Variants in QKI observed in about 807,000 individuals in gnomAD.
QKI encodes the protein QKI, KH domain containing RNA binding, also known as KH domain-containing RNA-binding protein QKI.
QKI carries 10 observed loss-of-function variants against 39.0 expected under a neutral mutation model. The observed-to-expected ratio is 0.26, with a 90% CI of 0.16 to 0.43. QKI has a LOEUF of 0.43. Among genes scored for constraint, QKI ranks in the 20% least tolerant of loss-of-function variants. QKI has a pLI of 1.00. For missense variants in QKI, 218 were observed against 428.0 expected (o/e 0.51, Z 4.33); for synonymous variants, 204 against 155.4 (o/e 1.31, Z -2.33).
chr6:163,563,358 A>C, intron 5 of QKI, 62 bp from the exon 6 acceptor site: 2 of 1,416,916 alleles, frequency 1.4e-6, no homozygotes, highest in East Asian at 2.3e-5. Flanking sequence ...CTCCCTTCTC[A>C]TTTTTCCGTA....
chr6:163,536,406 A>G (rs1377456625), intron 4 of QKI, among the ~76,000 whole-genome samples: 2 of 152,200 alleles, frequency 1.3e-5, no homozygotes, highest in African/African-American at 4.8e-5. Flanking sequence ...AGAATACGGT[A>G]TATAACATAT....
intron 2 of QKI, among the ~76,000 whole-genome samples, chr6:163,465,626 C>CAAA (rs35130458): frequency 4.2e-5 from 4 of 95,768 alleles, no homozygotes; most frequent in African/African-American, 1.5e-4. Flanking sequence ...AAGACTGTCT[C>CAAA]AAAAAAAAAA....
At chr6:163,452,831 G>C (rs1398384556) in intron 1 of QKI, among the ~76,000 whole-genome samples, 2 of 152,226 alleles carry the variant, frequency 1.3e-5, no homozygotes, top group South Asian at 4.1e-4. Context: ...GAGTACAAGC[G>C]ATTCTCCTGC....
At chr6:163,554,649 T>TCATTA (rs1583213137) in intron 4 of QKI, among the ~76,000 whole-genome samples, 1 of 152,236 alleles carries the variant, frequency 6.6e-6, no homozygotes. Flanking sequence ...AATTTTTATC[T>TCATTA]CATTACATGG....
At chr6:163,500,175 A>G (rs1410822438) in intron 3 of QKI, among the ~76,000 whole-genome samples, 1 of 152,198 alleles carries the variant, frequency 6.6e-6, no homozygotes, top group Non-Finnish European at 1.5e-5. Context: ...GCTTCTCTAT[A>G]GGCTTGGTAA....
chr6:163,423,632 G>A (rs1252364426), intron 1 of QKI: 1 of 152,216 alleles, frequency 6.6e-6, no homozygotes, highest in Non-Finnish European at 1.5e-5. Context: ...CTAATTCTGT[G>A]ATATGCTGGT....
intron 3 of QKI, among the ~76,000 whole-genome samples, chr6:163,483,036 T>G (rs1793198925): frequency 6.6e-6 from 1 of 152,166 alleles, no homozygotes; most frequent in Non-Finnish European, 1.5e-5. Flanking sequence ...CACAAACAGG[T>G]TCCAGACCAC....
At chr6:163,533,031 T>C (rs1400983437) in intron 3 of QKI, among the ~76,000 whole-genome samples, 1 of 151,994 alleles carries the variant, frequency 6.6e-6, no homozygotes. Context: ...TGTTACTATA[T>C]CTTGCCTGGA....
At chr6:163,487,836 C>T (rs1777774977) in intron 3 of QKI, among the ~76,000 whole-genome samples, 1 of 151,824 alleles carries the variant, frequency 6.6e-6, no homozygotes, top group Admixed American at 6.6e-5. Context: ...AGTCTCATTT[C>T]CTCTCTGTGA....
chr6:163,447,249 A>ATTTTTT (rs4038332), intron 1 of QKI, among the ~76,000 whole-genome samples: 2 of 120,188 alleles, frequency 1.7e-5, no homozygotes, highest in African/African-American at 3.1e-5. Context: ...GGTGCACGTG[A>ATTTTTT]TTTTTTTTTT....
At chr6:163,478,503 G>T (rs1403139383) in intron 2 of QKI, among the ~76,000 whole-genome samples, 1 of 152,070 alleles carries the variant, frequency 6.6e-6, no homozygotes. Context: ...TCTGTTTTAG[G>T]TTATTTGTTG....
At chr6:163,492,984 A>G (rs1417626888) in intron 3 of QKI, among the ~76,000 whole-genome samples, 1 of 152,180 alleles carries the variant, frequency 6.6e-6, no homozygotes, top group Non-Finnish European at 1.5e-5. Flanking sequence ...TAGTGTAGAA[A>G]AAATTTAGAT....
intron 2 of QKI, among the ~76,000 whole-genome samples, chr6:163,463,361 C>T (rs1028190312): frequency 1.3e-5 from 2 of 152,090 alleles, no homozygotes; most frequent in East Asian, 1.9e-4. Context: ...AGTGGTGTTT[C>T]GAGGATTAAG....
intron 1 of QKI, among the ~76,000 whole-genome samples, chr6:163,439,514 A>AT (rs899884131): frequency 3.1e-4 from 44 of 143,560 alleles, no homozygotes; most frequent in South Asian, 1.3e-3. Flanking sequence ...CACATGGCTA[A>AT]TTTTTTTTTT....
chr6:163,414,985 T>G lies in QKI; in HGVS notation c.-209T>G. 3.6e-6 allele frequency: 1 copy of G among 275,302 alleles called. No homozygotes were observed. The highest frequency in any genetic ancestry group is 5.4e-6 in the Non-Finnish European group (1 of 185,832). The allele number at this position is 275,302 out of a possible 1,614,324, so 17.1% of individuals were successfully genotyped here. ...GAGAGCGGCGGCGGCTGGGAGCGCG[T>G]CGGGCCCGGGCGGAAAGTGCCTGCG... On this transcript the variant is annotated 5_prime_UTR_variant, in exon 1 of 8. Coordinates refer to ENST00000361752, the MANE Select transcript of QKI (RefSeq NM_006775.3).
chr6:163,497,584 G>A (rs369241175), intron 3 of QKI, among the ~76,000 whole-genome samples: 19 of 150,906 alleles, frequency 1.3e-4, no homozygotes, highest in Admixed American at 4.6e-4. Context: ...TTATCTAGAT[G>A]TGCTATATTT....
At chr6:163,483,123 A>C (rs1201880720) in intron 3 of QKI, among the ~76,000 whole-genome samples, 2 of 152,242 alleles carry the variant, frequency 1.3e-5, no homozygotes, top group African/African-American at 4.8e-5. Flanking sequence ...TTATGTTTAT[A>C]CCATACTATA....
intron 3 of QKI, among the ~76,000 whole-genome samples, chr6:163,488,975 T>TTC (rs1251282961): frequency 2.8e-4 from 37 of 130,314 alleles, no homozygotes; most frequent in Non-Finnish European, 4.2e-4. Context: ...TTCCATTTCT[T>TTC]TTTTTTTTTT....
chr6:163,496,198 G>C (rs187614998), intron 3 of QKI, among the ~76,000 whole-genome samples: 86 of 152,208 alleles, frequency 5.7e-4, no homozygotes, highest in Non-Finnish European at 1.0e-3. Context: ...TACACTGCTT[G>C]ATATCTTTAC....
Sources: allele counts gnomAD v4.1 joint callset (sites outside exome capture counted in the v4.1 genomes callset), GRCh38; gene constraint gnomAD v4.1.1; transcripts MANE v1.5; gene names NCBI Gene and HGNC (gene_info 2026-07-23, HGNC 2026-07-21).